The following STXBP5L variants were observed in gnomAD, a reference collection of about 807,000 sequenced individuals.
STXBP5L encodes the protein syntaxin-binding protein 5-like.
A neutral mutation model predicts 144.5 loss-of-function variants in STXBP5L; 65 were observed. The ratio of observed to expected loss-of-function variants is 0.45; its 90% CI spans 0.37 to 0.55. The LOEUF is 0.55. Ranked by LOEUF, STXBP5L falls within the 20% of genes least tolerant of loss-of-function variation. The pLI is 0.00. For missense variants in STXBP5L, 1,298 were observed against 1,405.5 expected (o/e 0.92, Z 1.22); for synonymous variants, 505 against 469.6 (o/e 1.08, Z -0.97).
chr3:121,240,592 A>G (rs1330010163), intron 14 of STXBP5L, 85 bp downstream of exon 14: 11 of 1,251,492 alleles, frequency 8.8e-6, no homozygotes, highest in African/African-American at 1.5e-5. Flanking sequence ...ATTGTGTTCT[A>G]TGCAGAATAA....
intron 3 of STXBP5L, among the ~76,000 whole-genome samples, chr3:120,985,285 G>A (rs1942186146): frequency 6.6e-6 from 1 of 151,926 alleles, no homozygotes; most frequent in Non-Finnish European, 1.5e-5. Flanking sequence ...GAAGCCATGG[G>A]GGCTTTTCTT....
In STXBP5L at chr3:121,217,347, C is replaced by T. The variant is rs117076188; in HGVS notation, c.957-5656C>T. On this transcript the variant is annotated intron_variant, in intron 10 of 26. Coordinates refer to ENST00000471454, the MANE Select transcript of STXBP5L (RefSeq NM_001308330.2). ...AGGGAATCTCCTTGTCTGCGGGTTGCGAAGACCATGGGAAAAGCGTGGTAT... is the reference window on the plus strand; with the variant it reads ...AGGGAATCTCCTTGTCTGCGGGTTGTGAAGACCATGGGAAAAGCGTGGTAT... Among the ~76,000 whole-genome samples the T allele has an allele frequency of 1.8e-3, 267 of 152,212 alleles. 6 individuals carry two copies. The East Asian group carries it at 0.046, about 26-fold the overall frequency.
intron 10 of STXBP5L, among the ~76,000 whole-genome samples, chr3:121,210,370 T>G (rs2048511080): frequency 6.6e-6 from 1 of 150,778 alleles, no homozygotes; most frequent in Non-Finnish European, 1.5e-5. Flanking sequence ...TTTTCTCCCA[T>G]TCTGTAGGTT....
chr3:121,054,513 C>G (rs1267842094), intron 5 of STXBP5L, among the ~76,000 whole-genome samples: 1 of 145,704 alleles, frequency 6.9e-6, no homozygotes, highest in East Asian at 2.0e-4. Context: ...ACCGCATGTT[C>G]TCATTCACAG....
chr3:121,043,362 A>T (rs1267922492), intron 4 of STXBP5L, among the ~76,000 whole-genome samples: 1 of 152,088 alleles, frequency 6.6e-6, no homozygotes, highest in East Asian at 1.9e-4. Flanking sequence ...TGTTATGCTT[A>T]GTGGTACCGT....
At position 120,932,308 on chromosome 3, in the gene STXBP5L, G is replaced by T. The variant is rs72966710; in HGVS notation, c.189+22541G>T. 2.5e-3 allele frequency among the ~76,000 whole-genome samples: 379 copies of T among 152,192 alleles called. 2 individuals carry two copies. Among genetic ancestry groups the T allele is most frequent in the African/African-American group, 8.6e-3 (356 of 41,546 alleles). On this transcript the variant is annotated intron_variant, in intron 2 of 26. Coordinates refer to ENST00000471454, the MANE Select transcript of STXBP5L (RefSeq NM_001308330.2). ...TTTCTTATGCTCTTATTATTTACATGATTTCTCTATTTATTTACATTTCTT... is the reference window on the plus strand; with the variant it reads ...TTTCTTATGCTCTTATTATTTACATTATTTCTCTATTTATTTACATTTCTT...
At chr3:121,181,106 G>T (rs2047130048) in intron 9 of STXBP5L, among the ~76,000 whole-genome samples, 1 of 114,772 alleles carries the variant, frequency 8.7e-6, no homozygotes, top group Admixed American at 1.1e-4. Flanking sequence ...GTCTTGAAAA[G>T]AAAAGAAGAA....
chr3:121,168,289 A>G (rs954868804), intron 9 of STXBP5L, among the ~76,000 whole-genome samples: 3 of 152,176 alleles, frequency 2.0e-5, no homozygotes, highest in Admixed American at 2.0e-4. Context: ...CCTTCTCCAC[A>G]TGATCACAAC....
chr3:121,137,980 A>G (rs1249725704), intron 7 of STXBP5L, among the ~76,000 whole-genome samples: 1 of 152,148 alleles, frequency 6.6e-6, no homozygotes, highest in African/African-American at 2.4e-5. Flanking sequence ...TGATAGGAGG[A>G]AGTTAAATTG....
intron 19 of STXBP5L, among the ~76,000 whole-genome samples, chr3:121,287,579 C>G (rs1369487380): frequency 6.6e-6 from 1 of 151,638 alleles, no homozygotes; most frequent in Non-Finnish European, 1.5e-5. Flanking sequence ...GCCTGTAATC[C>G]CAGCACTTTG....
intron 9 of STXBP5L, among the ~76,000 whole-genome samples, chr3:121,162,731 A>G (rs2046367081): frequency 6.6e-6 from 1 of 152,160 alleles, no homozygotes; most frequent in South Asian, 2.1e-4. Context: ...CAAGAAAAAA[A>G]TCAAACAACC....
intron 5 of STXBP5L, among the ~76,000 whole-genome samples, chr3:121,092,051 G>T (rs1391124348): frequency 6.6e-6 from 1 of 152,080 alleles, no homozygotes; most frequent in Non-Finnish European, 1.5e-5. Flanking sequence ...CCCATTGCTT[G>T]TTTTTCTCGG....
At chr3:120,939,839 C>T (rs1045160280) in intron 2 of STXBP5L, among the ~76,000 whole-genome samples, 3 of 152,006 alleles carry the variant, frequency 2.0e-5, no homozygotes, top group African/African-American at 7.2e-5. Context: ...ATTAGAAGTA[C>T]AGATGGAATT....
intron 20 of STXBP5L, among the ~76,000 whole-genome samples, chr3:121,367,656 T>C (rs183420219): frequency 2.9e-5 from 4 of 136,830 alleles, no homozygotes; most frequent in Non-Finnish European, 6.2e-5. Context: ...CAGAATAGAA[T>C]GTAGTGGCCT....
intron 20 of STXBP5L, among the ~76,000 whole-genome samples, chr3:121,343,849 A>T (rs978002398): frequency 2.0e-5 from 3 of 152,148 alleles, no homozygotes; most frequent in Admixed American, 1.3e-4. Flanking sequence ...ATTCAATGCC[A>T]TCCCCATCAG....
chr3:121,280,376 T>C (rs2051017859), intron 19 of STXBP5L, among the ~76,000 whole-genome samples: 1 of 151,932 alleles, frequency 6.6e-6, no homozygotes, highest in African/African-American at 2.4e-5. Context: ...TTTACTACTT[T>C]TAATTTTTTA....
At chr3:121,283,923 GTGTGTA>G (rs2051147668) in intron 19 of STXBP5L, among the ~76,000 whole-genome samples, 2 of 151,096 alleles carry the variant, frequency 1.3e-5, no homozygotes, top group Admixed American at 1.3e-4. Context: ...GTGTGTGTGT[GTGTGTA>G]GACAGAAAAG....
chr3:121,224,743 A>T (rs1454874531), intron 11 of STXBP5L, among the ~76,000 whole-genome samples: 1 of 152,168 alleles, frequency 6.6e-6, no homozygotes, highest in African/African-American at 2.4e-5. Context: ...GAAGAGAGAA[A>T]CTGTCTTACA....
intron 2 of STXBP5L, among the ~76,000 whole-genome samples, chr3:120,936,916 G>A (rs1710294262): frequency 6.6e-6 from 1 of 152,092 alleles, no homozygotes; most frequent in Non-Finnish European, 1.5e-5. Flanking sequence ...TGTGGGGGAG[G>A]GAAAACATTC....
Sources: allele counts gnomAD v4.1 joint callset (sites outside exome capture counted in the v4.1 genomes callset), GRCh38; gene constraint gnomAD v4.1.1; transcripts MANE v1.5; gene names NCBI Gene and HGNC (gene_info 2026-07-23, HGNC 2026-07-21).